JPT2: variants seen among roughly 807,000 people sequenced by gnomAD.
JPT2 encodes the protein CRAMP_1 like.
A neutral mutation model predicts 15.9 loss-of-function variants in JPT2; 9 were observed. That is an observed-to-expected ratio of 0.57 (90% confidence interval 0.34 to 0.99). JPT2 has a LOEUF of 0.99. JPT2 is among the 50% of genes least tolerant of loss of function. The pLI is 0.02. For synonymous variants in JPT2, 95 were observed against 91.7 expected (o/e 1.04, Z -0.21); for missense variants, 267 against 252.1 (o/e 1.06, Z -0.40).
At chr16:1,695,275 C>T (rs554656014) in intron 3 of JPT2, among the ~76,000 whole-genome samples, 3 of 152,020 alleles carry the variant, frequency 2.0e-5, no homozygotes, top group Admixed American at 1.3e-4. Context: ...CCTGGTGGCA[C>T]ATGCTTGTAA....
At chr16:1,697,990 A>C in intron 4 of JPT2, 130 bp downstream of exon 4, 1 of 774,634 alleles carries the variant, frequency 1.3e-6, no homozygotes, top group Non-Finnish European at 2.2e-6. Context: ...AAACGAGCTC[A>C]GGTGTATCCA....
chr16:1,701,887 T>G lies in JPT2; in HGVS notation c.*2889T>G, dbSNP rs534002507. ...CCCTGTCTATACAAAAAAAAACTTC[T>G]CTAAATTAGCCGGATGTGGTGGTGC... is the stretch of plus-strand genomic sequence containing the variant. On this transcript the variant is annotated 3_prime_UTR_variant, in exon 5 of 5. Coordinates refer to ENST00000248098, the MANE Select transcript of JPT2 (RefSeq NM_144570.3). The G allele has an allele frequency of 1.3e-4, 37 of 292,682 alleles. No homozygotes were observed. In the East Asian group the frequency reaches 2.9e-3, roughly 23 times the overall value. The allele number at this position is 292,682 out of a possible 1,614,324, so 18.1% of individuals were successfully genotyped here. A position where few individuals can be genotyped will look rare whatever the true frequency, so the allele number is the denominator to read the frequency against.
rs367601182 is a variant in JPT2, at chr16:1,691,871, A to C, written c.222A>C (p.Glu74Asp). 2 of 1,613,998 alleles carry C rather than the reference A, an allele frequency of 1.2e-6. No homozygotes were observed. The highest frequency in any genetic ancestry group is 1.7e-6 in the Non-Finnish European group (2 of 1,179,988). ...PGGKGSGIFD[E>D]STPVQTRQHL... ...GTAAAGGAAGTGGTATCTTTGACGA[A>C]TCAACCCCCGTGCAGACTCGACAGC... Residue 74 changes from glutamate to aspartate, a missense_variant, in exon 3 of 5, where the codon GAA becomes GAC. Glu to Asp is a conservative substitution (Grantham distance 45, BLOSUM62 2). Coordinates refer to ENST00000248098, the MANE Select transcript of JPT2 (RefSeq NM_144570.3).
chr16:1,687,053 A>T (rs2037072177), intron 2 of JPT2, among the ~76,000 whole-genome samples: 1 of 152,082 alleles, frequency 6.6e-6, no homozygotes, highest in Non-Finnish European at 1.5e-5. Flanking sequence ...CACCACCATG[A>T]CTCACTGCAG....
chr16:1,690,403 C>T (rs1173199648), intron 2 of JPT2: 1 of 152,190 alleles, frequency 6.6e-6, no homozygotes, highest in East Asian at 1.9e-4. Flanking sequence ...GCTAAAAGCT[C>T]CTCTGTCTCT....
At chr16:1,697,706 C>T in intron 3 of JPT2, 106 bp from the exon 4 acceptor site, 1 of 1,027,928 alleles carries the variant, frequency 9.7e-7, no homozygotes, top group East Asian at 2.4e-5. Flanking sequence ...GATATACAAG[C>T]ATTTTTGTAA....
At chr16:1,692,307 G>A (rs539844457) in intron 3 of JPT2, 10 of 333,150 alleles carry the variant, frequency 3.0e-5, no homozygotes, top group South Asian at 2.1e-4. Flanking sequence ...TGCCGCAGAC[G>A]AGCTGGGCCC....
intron 3 of JPT2, 38 bp downstream of exon 3, chr16:1,692,023 G>A (rs755604315): frequency 3.7e-6 from 6 of 1,609,426 alleles, no homozygotes; most frequent in Admixed American, 1.7e-5. Context: ...GCAGCAGCGG[G>A]TATGCCAGGT....
intron 2 of JPT2, among the ~76,000 whole-genome samples, chr16:1,687,478 A>G (rs1055405579): frequency 6.6e-5 from 10 of 152,196 alleles, no homozygotes; most frequent in African/African-American, 2.2e-4. Context: ...ATAGAATCCT[A>G]TCTGAGCCAT....
chr16:1,687,749 T>A (rs986861131), intron 2 of JPT2, among the ~76,000 whole-genome samples: 1 of 152,160 alleles, frequency 6.6e-6, no homozygotes, highest in African/African-American at 2.4e-5. Context: ...AGTTTTCCTA[T>A]CTCTCCAGTG....
At chr16:1,685,742 C>CT in intron 2 of JPT2, 155 bp downstream of exon 2, 1 of 805,082 alleles carries the variant, frequency 1.2e-6, no homozygotes, top group Non-Finnish European at 1.9e-6. Context: ...CTGATTTGTA[C>CT]TTTCTCTCTT....
chr16:1,697,921 A>T (rs1285720005), intron 4 of JPT2, 61 bp downstream of exon 4: 75 of 1,457,682 alleles, frequency 5.1e-5, no homozygotes, highest in Non-Finnish European at 6.6e-5. Flanking sequence ...AAGAGTTGCT[A>T]GTCTCTCCTC....
intron 3 of JPT2, among the ~76,000 whole-genome samples, chr16:1,693,629 T>C (rs564306963): frequency 6.6e-6 from 1 of 152,254 alleles, no homozygotes; most frequent in South Asian, 2.1e-4. Context: ...CAACTGGGCA[T>C]AGAACAAGTG....
intron 2 of JPT2, chr16:1,685,919 T>C (rs917612340): frequency 4.4e-6 from 1 of 227,578 alleles, no homozygotes. Context: ...TGCAAATTAT[T>C]GTGCATTTAA....
intron 1 of JPT2, among the ~76,000 whole-genome samples, chr16:1,682,228 A>G (rs997779432): frequency 6.7e-6 from 1 of 150,152 alleles, no homozygotes; most frequent in Non-Finnish European, 1.5e-5. Flanking sequence ...ATACAAAAAA[A>G]TAGCCAAGCA....
intron 3 of JPT2, among the ~76,000 whole-genome samples, chr16:1,695,523 G>A (rs1199650097): frequency 1.3e-5 from 2 of 151,774 alleles, no homozygotes. Context: ...AGAGAGCAGT[G>A]ATTTTGCCAT....
At chr16:1,689,211 T>G (rs1266427688) in intron 2 of JPT2, 1 of 152,114 alleles carries the variant, frequency 6.6e-6, no homozygotes. Flanking sequence ...ATCTTCTATT[T>G]TAAAAAGCTG....
chr16:1,692,394 A>C (rs543467930), intron 3 of JPT2: 1 of 210,030 alleles, frequency 4.8e-6, no homozygotes, highest in East Asian at 1.3e-4. Context: ...TTTTCCCCGC[A>C]CAGTCAAGGT....
At chr16:1,684,791 A>G (rs1031235672) in intron 1 of JPT2, among the ~76,000 whole-genome samples, 3 of 152,072 alleles carry the variant, frequency 2.0e-5, no homozygotes, top group African/African-American at 4.8e-5. Context: ...GGCACCTGTA[A>G]TCTGAGCTAC....
Sources: allele counts gnomAD v4.1 joint callset (sites outside exome capture counted in the v4.1 genomes callset), GRCh38; gene constraint gnomAD v4.1.1; transcripts MANE v1.5; gene names NCBI Gene and HGNC (gene_info 2026-07-23, HGNC 2026-07-21).